ALG5: variants seen among roughly 807,000 people sequenced by gnomAD.
The protein encoded by ALG5 is ALG5 dolichyl-phosphate beta-glucosyltransferase, also known as dolichyl-phosphate beta-glucosyltransferase.
In ALG5, 26 loss-of-function variants were observed where a neutral mutation model predicts 51.8. The observed-to-expected ratio is 0.50, with a 90% confidence interval of 0.37 to 0.70. The LOEUF is 0.70. Among genes scored for constraint, ALG5 ranks in the 30% least tolerant of loss-of-function variants. The pLI is 0.00. For missense variants in ALG5, 311 were observed against 399.3 expected (o/e 0.78, Z 1.88); for synonymous variants, 141 against 136.1 (o/e 1.04, Z -0.25).
chr13:36,981,567 A>G (rs917981008), intron 6 of ALG5, among the ~76,000 whole-genome samples: 10 of 152,246 alleles, frequency 6.6e-5, no homozygotes, highest in African/African-American at 2.4e-4. Flanking sequence ...TAACAAGTTG[A>G]AGTTGAGATA....
intron 8 of ALG5, among the ~76,000 whole-genome samples, chr13:36,963,160 A>C (rs1473756753): frequency 6.6e-6 from 1 of 152,118 alleles, no homozygotes; most frequent in East Asian, 1.9e-4. Flanking sequence ...TATGTTTTCC[A>C]GGGTGGTCTT....
At chr13:36,975,641 A>G (rs1379544852) in intron 6 of ALG5, among the ~76,000 whole-genome samples, 2 of 152,232 alleles carry the variant, frequency 1.3e-5, no homozygotes, top group Non-Finnish European at 2.9e-5. Flanking sequence ...CTTTGAATAT[A>G]AAACTCTTAT....
intron 6 of ALG5, among the ~76,000 whole-genome samples, chr13:36,985,014 A>C (rs1274740660): frequency 6.6e-6 from 1 of 151,814 alleles, no homozygotes; most frequent in East Asian, 1.9e-4. Flanking sequence ...TGGTAGGTAT[A>C]TTGTTTGATG....
At chr13:36,993,033 G>A (rs1267467511) in intron 4 of ALG5, among the ~76,000 whole-genome samples, 1 of 152,096 alleles carries the variant, frequency 6.6e-6, no homozygotes, top group African/African-American at 2.4e-5. Context: ...GCCTCAGCTG[G>A]GTCTAGGCTA....
intron 1 of ALG5, chr13:36,998,994 G>A (rs2059068365): frequency 5.1e-6 from 2 of 389,512 alleles, no homozygotes; most frequent in Admixed American, 4.6e-5. Context: ...GTGCGCTCCA[G>A]TGTGAAAAAA....
intron 1 of ALG5, among the ~76,000 whole-genome samples, chr13:36,998,583 A>G (rs1021841743): frequency 6.6e-6 from 1 of 152,204 alleles, no homozygotes; most frequent in African/African-American, 2.4e-5. Context: ...AAGGGCAAAG[A>G]CAATCGAGTT....
chr13:36,964,898 C>G (rs2058885272), intron 8 of ALG5, among the ~76,000 whole-genome samples: 1 of 141,914 alleles, frequency 7.0e-6, no homozygotes, highest in African/African-American at 2.6e-5. Context: ...GTACTCCATC[C>G]TGGGCAACAA....
At chr13:36,979,690 C>T (rs899314858) in intron 6 of ALG5, among the ~76,000 whole-genome samples, 9 of 152,096 alleles carry the variant, frequency 5.9e-5, no homozygotes, top group Non-Finnish European at 1.3e-4. Context: ...TTTTCATATC[C>T]ATTAATTCTA....
intron 8 of ALG5, among the ~76,000 whole-genome samples, chr13:36,954,674 G>C (rs534524338): frequency 1.3e-5 from 2 of 152,250 alleles, no homozygotes; most frequent in East Asian, 3.9e-4. Context: ...CAGTATAAGG[G>C]TTATTCTCCA....
At chr13:36,999,130 A>T in intron 1 of ALG5, 105 bp downstream of exon 1, 1 of 1,050,594 alleles carries the variant, frequency 9.5e-7, no homozygotes, top group Non-Finnish European at 1.3e-6. Flanking sequence ...GGGAAAAGGG[A>T]CTTCTCCGAG....
At chr13:36,981,871 G>A (rs2058981045) in intron 6 of ALG5, among the ~76,000 whole-genome samples, 1 of 152,152 alleles carries the variant, frequency 6.6e-6, no homozygotes, top group East Asian at 1.9e-4. Flanking sequence ...GGTGGATCAC[G>A]AAGTCAGGAG....
chr13:36,978,211 G>A (rs554028418), intron 6 of ALG5, among the ~76,000 whole-genome samples: 50 of 135,500 alleles, frequency 3.7e-4, no homozygotes, highest in Non-Finnish European at 5.7e-4. Flanking sequence ...TTTTTGAGAC[G>A]GAATCTCACT....
At chr13:36,962,945 G>A (rs74564502) in intron 8 of ALG5, among the ~76,000 whole-genome samples, 13,294 of 152,098 alleles carry the variant, frequency 0.087, 1,463 homozygotes, top group African/African-American at 0.26. Flanking sequence ...AAGTAAATCT[G>A]ATCAGCTTTT....
chr13:36,957,315 A>C lies in ALG5; in HGVS notation c.774-4716T>G, dbSNP rs536066621. 9.2e-5 allele frequency among the ~76,000 whole-genome samples: 14 copies of C among 151,632 alleles called. No individual in the cohort carries two copies. In the East Asian group the frequency reaches 2.7e-3, roughly 29 times the overall value. On this transcript the variant is annotated intron_variant, in intron 8 of 9. Coordinates refer to ENST00000239891, the MANE Select transcript of ALG5 (RefSeq NM_013338.5). The stretch of plus-strand genomic sequence containing the variant: ...CCAAATCTCAGGGATTTCAGTATCT[A>C]CTAGTCTGGGTAGATACTCTCACTG...
chr13:36,972,091 A>T, intron 6 of ALG5, 55 bp from the exon 7 acceptor site: 1 of 1,295,248 alleles, frequency 7.7e-7, no homozygotes, highest in Non-Finnish European at 1.1e-6. Context: ...TAATAAAAAT[A>T]TTTATTTTCA....
Position 36,956,841 on chromosome 13 carries a change from T to C in ALG5, c.774-4242A>G, listed in dbSNP as rs547239983. ...ATAGAAGGGAACCGCCCAGCAGATA[T>C]TGAAGCCAAAAAAGCCAAAAGAGCT... On this transcript the variant is annotated intron_variant, in intron 8 of 9. Coordinates refer to ENST00000239891, the MANE Select transcript of ALG5 (RefSeq NM_013338.5). Among the ~76,000 whole-genome samples, 9 of 151,988 alleles carry C rather than the reference T, an allele frequency of 5.9e-5. No individual in the cohort carries two copies. In the East Asian group the frequency reaches 1.2e-3, roughly 20 times the overall value.
At chr13:36,951,841 A>G (rs998611323) in intron 9 of ALG5, among the ~76,000 whole-genome samples, 4 of 152,148 alleles carry the variant, frequency 2.6e-5, no homozygotes, top group African/African-American at 9.7e-5. Context: ...CGGGAGTGCA[A>G]TGGTGCAATC....
At chr13:36,966,329 T>TA (rs1418276023) in intron 7 of ALG5, among the ~76,000 whole-genome samples, 1 of 152,236 alleles carries the variant, frequency 6.6e-6, no homozygotes, top group African/African-American at 2.4e-5. Context: ...AAGTAGGTTT[T>TA]AATCCCATCT....
intron 8 of ALG5, among the ~76,000 whole-genome samples, chr13:36,960,446 T>A (rs532566126): frequency 4.2e-4 from 64 of 152,202 alleles, no homozygotes; most frequent in Admixed American, 8.5e-4. Flanking sequence ...ATTTAATATA[T>A]AAAATTATAA....
Sources: gnomAD v4.1 joint callset for allele counts (sites outside exome capture counted in the v4.1 genomes callset) on GRCh38, gnomAD v4.1.1 for gene constraint, MANE v1.5 for transcripts, NCBI Gene and HGNC (gene_info 2026-07-23, HGNC 2026-07-21) for gene names.